Variants in ZNF19 observed in about 807,000 individuals in gnomAD.
The protein encoded by ZNF19 is zinc finger protein 19 (KOX 12).
In ZNF19, 11 loss-of-function variants were observed where a neutral mutation model predicts 13.1. The ratio of observed to expected loss-of-function variants is 0.84; its 90% CI spans 0.53 to 1.39. ZNF19 has a LOEUF of 1.39. Among genes scored for constraint, ZNF19 ranks in the 40% most tolerant of loss-of-function variants. The pLI is 0.00. For missense variants in ZNF19, 560 were observed against 547.0 expected, an observed-to-expected ratio of 1.02 and a Z score of -0.24; for synonymous variants, 186 against 187.0, an observed-to-expected ratio of 0.99 and a Z score of 0.04.
In ZNF19 at chr16:71,478,238, G is replaced by A. The variant is rs372889284; in HGVS notation, c.264C>T (p.Asn88=). The part of the protein sequence containing the change: ...QDDPPAERTK[N]VCKDVETNID... Reference sequence around the variant, plus strand: ...ATCTGCCTCACCTACCTTTACAGACGTTTTTGGTCCTCTCTGCTGGGGGAT... The same window carrying A: ...ATCTGCCTCACCTACCTTTACAGACATTTTTGGTCCTCTCTGCTGGGGGAT... The change falls in exon 5 of 6, where the codon AAC becomes AAT. Residue 88 remains asparagine (N), a synonymous_variant. Coordinates refer to ENST00000288177, the MANE Select transcript of ZNF19 (RefSeq NM_006961.4). 2.2e-5 allele frequency: 36 copies of A among 1,613,302 alleles called. No individual in the cohort carries two copies. The highest frequency in any genetic ancestry group is 2.9e-5 in the Non-Finnish European group (34 of 1,179,548).
intron 1 of ZNF19, among the ~76,000 whole-genome samples, chr16:71,485,525 G>GT (rs2043672490): frequency 6.7e-6 from 1 of 148,608 alleles, no homozygotes; most frequent in Non-Finnish European, 1.5e-5. Flanking sequence ...GATATATTAA[G>GT]TAACTATTTA....
At position 71,484,600 on chromosome 16, in the gene ZNF19, CAG is replaced by C. The variant is rs2043662616; in HGVS notation, c.-43_-42del. 6 of 985,470 alleles carry C rather than the reference CAG, an allele frequency of 6.1e-6. No homozygotes were observed. The highest frequency in any genetic ancestry group is 1.7e-5 in the African/African-American group (1 of 57,362). The allele number at this position is 985,470 out of a possible 1,614,324, so 61.0% of individuals were successfully genotyped here. A position where few individuals can be genotyped will look rare whatever the true frequency, so the allele number is the denominator to read the frequency against. On this transcript the variant is annotated 5_prime_UTR_variant, in exon 2 of 6. Transcript: ENST00000288177. ...ACCCCAACACTCACCTCAGGAAAAA[CAG>C]AAAGCGGTGCGTGAACGGAAGTGCG...
intron 3 of ZNF19, among the ~76,000 whole-genome samples, chr16:71,479,797 C>A (rs1302736002): frequency 6.6e-6 from 1 of 151,344 alleles, no homozygotes; most frequent in African/African-American, 2.4e-5. Context: ...TTCTTTTTCT[C>A]TTTTTTTTCT....
chr16:71,474,598 T>C lies in ZNF19; in HGVS notation c.*572A>G, dbSNP rs16973190. 19,227 of 153,382 alleles carry C rather than the reference T, an allele frequency of 0.13. 1,305 individuals are homozygous for C. Among genetic ancestry groups the C allele is most frequent in the Non-Finnish European group, 0.15 (10,408 of 68,934 alleles). The allele number at this position is 153,382 out of a possible 1,614,324, so 9.5% of individuals were successfully genotyped here. On this transcript the variant is annotated 3_prime_UTR_variant, in exon 6 of 6. Coordinates refer to ENST00000288177, the MANE Select transcript of ZNF19 (RefSeq NM_006961.4). ...CAATCATGGGGTTGAGGAGCTGCCATGACTATAACTAAAGACTTTCCCATA... is the reference window on the plus strand; with the variant it reads ...CAATCATGGGGTTGAGGAGCTGCCACGACTATAACTAAAGACTTTCCCATA...
At chr16:71,482,206 CAATAA>C in intron 2 of ZNF19, 63 bp from the exon 3 acceptor site, 2 of 1,537,976 alleles carry the variant, frequency 1.3e-6, no homozygotes, top group Non-Finnish European at 1.8e-6. Context: ...CTCTTTAGAG[CAATAA>C]ATTTGCCAAT....
intron 3 of ZNF19, among the ~76,000 whole-genome samples, chr16:71,479,365 T>C (rs982624729): frequency 6.6e-6 from 1 of 152,204 alleles, no homozygotes; most frequent in Non-Finnish European, 1.5e-5. Context: ...AGGTGGACAA[T>C]TTGCTTCAAA....
chr16:71,475,470 ACAGT>A lies in ZNF19; in HGVS notation c.1073_1076del (p.Asp358ValfsTer2). On this transcript the variant is annotated frameshift_variant, in exon 6 of 6. Coordinates refer to ENST00000288177, the MANE Select transcript of ZNF19 (RefSeq NM_006961.4). LOFTEE classifies it low-confidence loss of function (END_TRUNC). ...CACTGAAGGCTTTTCCACAATCTAC[ACAGT>A]CAAAGGGTTTCTCCTCACTGTGAAT... The A allele has an allele frequency of 1.2e-6, 2 of 1,614,202 alleles. No homozygotes were observed. Among genetic ancestry groups the A allele is most frequent in the Non-Finnish European group, 1.7e-6 (2 of 1,180,032 alleles).
chr16:71,484,696 G>A lies in ZNF19; in HGVS notation c.-137C>T, dbSNP rs1339895858. 1 of 985,332 alleles carries A rather than the reference G, an allele frequency of 1.0e-6. No individual in the cohort carries two copies. Among genetic ancestry groups the A allele is most frequent in the East Asian group, 1.1e-4 (1 of 8,826 alleles). 61.0% of individuals were successfully genotyped at this position (985,332 alleles called of 1,614,324 possible). On this transcript the variant is annotated 5_prime_UTR_variant, in exon 2 of 6. Transcript: ENST00000288177. ...AGGATGCCGGAGCGGTCTTCTCAGT[G>A]GTTGTGTGGTTTTACTCCCGGGAGG... is the stretch of plus-strand genomic sequence containing the variant.
Position 71,474,448 on chromosome 16 carries a change from G to A in ZNF19, c.*722C>T, listed in dbSNP as rs1316699007. On this transcript the variant is annotated 3_prime_UTR_variant, in exon 6 of 6. Transcript: ENST00000288177. ...TCTTGAGAATGGATTCACTGGTGCA[G>A]ACATAATTTTGTAGTACAATGAGAT... 1 of 152,160 alleles carries A rather than the reference G, an allele frequency of 6.6e-6. No homozygotes were observed. Among genetic ancestry groups the A allele is most frequent in the African/African-American group, 2.4e-5 (1 of 41,436 alleles). 9.4% of individuals were successfully genotyped at this position (152,160 alleles called of 1,614,324 possible).
intron 1 of ZNF19, among the ~76,000 whole-genome samples, chr16:71,485,325 C>A (rs1402465040): frequency 6.6e-6 from 1 of 151,938 alleles, no homozygotes; most frequent in African/African-American, 2.4e-5. Context: ...TGGCGGGCAC[C>A]TGTAATCCCA....
rs1204319756 is a variant in ZNF19 at position 71,478,228 on chromosome 16, C to A, written c.274G>T (p.Asp92Tyr). The change falls in exon 5 of 6, where the codon GAT becomes TAT. Residue 92 changes from aspartate (D) to tyrosine (Y), a missense_variant and splice_region_variant. Transcript: ENST00000288177. ...TTGGTTCTAAATCTGCCTCACCTAC[C>A]TTTACAGACGTTTTTGGTCCTCTCT... Reference protein sequence around the residue: ...PAERTKNVCKDVETNIDSEST... With the variant: ...PAERTKNVCKYVETNIDSEST... 15 of 1,612,148 alleles carry A rather than the reference C, an allele frequency of 9.3e-6. No individual in the cohort carries two copies. Among genetic ancestry groups the A allele is most frequent in the South Asian group, 7.7e-5 (7 of 90,890 alleles).
In ZNF19 at chr16:71,479,006, C is replaced by T; in HGVS notation, c.34-1G>A. 6.2e-7 allele frequency: 1 copy of T among 1,614,194 alleles called. No homozygotes were observed. The highest frequency in any genetic ancestry group is 8.5e-7 in the Non-Finnish European group (1 of 1,180,030). ...CCACATCCTCGAAGGTCACCATCTCCTAAAACAACAGGTTCCTGCTGCCCC... is the reference window on the plus strand; with the variant it reads ...CCACATCCTCGAAGGTCACCATCTCTTAAAACAACAGGTTCCTGCTGCCCC... On this transcript the variant is annotated splice_acceptor_variant, in intron 3 of 5. Transcript: ENST00000288177. LOFTEE classifies it high-confidence loss of function.
chr16:71,483,922 A>C (rs2043655430), intron 2 of ZNF19, among the ~76,000 whole-genome samples: 1 of 152,212 alleles, frequency 6.6e-6, no homozygotes, highest in Non-Finnish European at 1.5e-5. Flanking sequence ...ACTAACGTGG[A>C]TGGGAAGCTT....
chr16:71,488,795 G>A (rs370270857), intron 1 of ZNF19, among the ~76,000 whole-genome samples: 7 of 152,188 alleles, frequency 4.6e-5, no homozygotes, highest in South Asian at 2.1e-4. Context: ...GCGAGACTTC[G>A]TCTCAAAAAA....
chr16:71,482,054 G>C (rs2145170559), intron 3 of ZNF19, 28 bp downstream of exon 3: 1 of 1,613,642 alleles, frequency 6.2e-7, no homozygotes, highest in Non-Finnish European at 8.5e-7. Flanking sequence ...GACCTCCATA[G>C]AGCTGACCTC....
At chr16:71,485,998 A>AAGGGAAATTG (rs1472331356) in intron 1 of ZNF19, among the ~76,000 whole-genome samples, 2 of 152,050 alleles carry the variant, frequency 1.3e-5, no homozygotes, top group African/African-American at 4.8e-5. Context: ...TTACATGACA[A>AAGGGAAATTG]AGGGAAATTG....
At chr16:71,479,262 C>G (rs1010598733) in intron 3 of ZNF19, among the ~76,000 whole-genome samples, 2 of 151,998 alleles carry the variant, frequency 1.3e-5, no homozygotes, top group Non-Finnish European at 2.9e-5. Flanking sequence ...TTTTTTAAAC[C>G]CTAGGAAAAA....
At chr16:71,477,310 G>T (rs1422820016) in intron 5 of ZNF19, among the ~76,000 whole-genome samples, 1 of 152,212 alleles carries the variant, frequency 6.6e-6, no homozygotes, top group East Asian at 1.9e-4. Context: ...GAGGAAGCGT[G>T]TGAGAACAAA....
chr16:71,487,659 T>A (rs1160905312), intron 1 of ZNF19, among the ~76,000 whole-genome samples: 1 of 152,204 alleles, frequency 6.6e-6, no homozygotes, highest in Non-Finnish European at 1.5e-5. Context: ...TATCTTTAAC[T>A]GAAGCTATAA....
Sources: gnomAD v4.1 joint callset for allele counts (sites outside exome capture counted in the v4.1 genomes callset) on GRCh38, gnomAD v4.1.1 for gene constraint, MANE v1.5 for transcripts, NCBI Gene and HGNC (gene_info 2026-07-23, HGNC 2026-07-21) for gene names.